The following DENND2B variants were observed in gnomAD, a reference collection of about 807,000 sequenced individuals.
DENND2B encodes DENN domain containing 2B, also known as DENN domain-containing protein 2B.
DENND2B carries 32 observed loss-of-function variants against 116.0 expected under a neutral mutation model. That is an observed-to-expected ratio of 0.28 (90% CI 0.21 to 0.37). DENND2B has a LOEUF of 0.37. DENND2B is among the 10% of genes least tolerant of loss of function. The pLI is 1.00. For missense variants in DENND2B, 1,276 were observed against 1,477.7 expected (o/e 0.86, Z 2.24); for synonymous variants, 588 against 583.9 (o/e 1.01, Z -0.10).
intron 1 of DENND2B, chr11:8,785,084 C>T (rs933705800): frequency 1.3e-5 from 2 of 152,182 alleles, no homozygotes; most frequent in Non-Finnish European, 2.9e-5. Flanking sequence ...TAAGAAGCCA[C>T]AGGAAGGTAC....
At chr11:8,815,348 C>T (rs144665683), upstream of DENND2B, among the ~76,000 whole-genome samples, 661 of 152,246 alleles carry the variant, frequency 4.3e-3, 10 homozygotes, top group African/African-American at 0.015. Flanking sequence ...AAATGAAGGT[C>T]TAAGTAACAC....
intron 4 of DENND2B, among the ~76,000 whole-genome samples, chr11:8,828,113 G>GT (rs995105442): frequency 6.6e-6 from 1 of 152,300 alleles, no homozygotes; most frequent in Admixed American, 6.5e-5. Context: ...GCACCATGAA[G>GT]TTTACTACCT....
rs33975736 is a variant in DENND2B at position 8,698,137 on chromosome 11, CAAAAAAAAAA to C, written c.2941-511_2941-502del. The stretch of plus-strand genomic sequence containing the variant: ...CTGGATGACAGTGAGACCCTGTCTC[CAAAAAAAAAA>C]AAAAAAAAAAAAAAAAAAAGGGGGT... On this transcript the variant is annotated intron_variant, in intron 16 of 19. Coordinates refer to ENST00000313726, the MANE Select transcript of DENND2B (RefSeq NM_213618.2). 7.0e-3 allele frequency among the ~76,000 whole-genome samples: 278 copies of C among 39,822 alleles called. 1 individual carries two copies. The highest frequency in any genetic ancestry group is 0.018 in the African/African-American group (246 of 13,590). The allele number at this position is 39,822 out of a possible 152,430, so 26.1% of individuals were successfully genotyped here. A position where few individuals can be genotyped will look rare whatever the true frequency, so the allele number is the denominator to read the frequency against.
chr11:8,708,166 C>CT, intron 11 of DENND2B: 1 of 1,299,920 alleles, frequency 7.7e-7, no homozygotes, highest in South Asian at 1.5e-5. Flanking sequence ...TTGGCAGAGG[C>CT]TACAGGGTGT....
At chr11:8,790,738 C>T (rs921316052) in intron 1 of DENND2B, among the ~76,000 whole-genome samples, 9 of 152,316 alleles carry the variant, frequency 5.9e-5, no homozygotes, top group Admixed American at 4.6e-4. Flanking sequence ...CACTGCACTC[C>T]AGCCCGTGCA....
At chr11:8,706,253 G>A (rs2133758265) in intron 13 of DENND2B, among the ~76,000 whole-genome samples, 1 of 152,160 alleles carries the variant, frequency 6.6e-6, no homozygotes, top group African/African-American at 2.4e-5. Context: ...GTGAGACCCT[G>A]TCTCAAAAAA....
chr11:8,803,373 A>T (rs1377555037), intron 1 of DENND2B, among the ~76,000 whole-genome samples: 4 of 152,204 alleles, frequency 2.6e-5, no homozygotes, highest in Non-Finnish European at 5.9e-5. Flanking sequence ...CGACCGAGCG[A>T]GACTCTGTCT....
intron 4 of DENND2B, among the ~76,000 whole-genome samples, chr11:8,817,002 T>C (rs1007112073): frequency 9.9e-5 from 15 of 152,110 alleles, no homozygotes; most frequent in African/African-American, 3.4e-4. Context: ...CAATGAACAG[T>C]AGCCTTTTTT....
intron 1 of DENND2B, among the ~76,000 whole-genome samples, chr11:8,773,583 C>T (rs1332737843): frequency 6.6e-6 from 1 of 152,180 alleles, no homozygotes; most frequent in African/African-American, 2.4e-5. Flanking sequence ...GAAAGTGGGG[C>T]ATTTGACTCT....
intron 1 of DENND2B, among the ~76,000 whole-genome samples, chr11:8,774,586 C>T (rs1459128750): frequency 6.6e-6 from 1 of 152,204 alleles, no homozygotes; most frequent in African/African-American, 2.4e-5. Context: ...ATCACCACCA[C>T]CCCAACTCCT....
intron 1 of DENND2B, among the ~76,000 whole-genome samples, chr11:8,891,879 C>T (rs1245898284): frequency 6.6e-6 from 1 of 152,180 alleles, no homozygotes; most frequent in Non-Finnish European, 1.5e-5. Flanking sequence ...CTCAGCTCTG[C>T]ACCAAGCGGA....
intron 3 of DENND2B, among the ~76,000 whole-genome samples, chr11:8,846,673 TGCCAAGG>T (rs1037190747): frequency 6.6e-6 from 1 of 152,198 alleles, no homozygotes; most frequent in African/African-American, 2.4e-5. Context: ...CCTGCCAACC[TGCCAAGG>T]GCCAAGATGA....
intron 1 of DENND2B, among the ~76,000 whole-genome samples, chr11:8,751,083 T>G (rs1218072179): frequency 6.6e-6 from 1 of 152,116 alleles, no homozygotes; most frequent in Non-Finnish European, 1.5e-5. Flanking sequence ...AGAATCTTTA[T>G]GTCTAGCTAA....
chr11:8,724,903 G>A (rs181814799), intron 4 of DENND2B, among the ~76,000 whole-genome samples: 1 of 152,216 alleles, frequency 6.6e-6, no homozygotes, highest in South Asian at 2.1e-4. Flanking sequence ...GGTTTCCTAC[G>A]CTTGGGCTCC....
intron 3 of DENND2B, among the ~76,000 whole-genome samples, chr11:8,842,441 G>C (rs1333223507): frequency 6.6e-6 from 1 of 152,124 alleles, no homozygotes; most frequent in African/African-American, 2.4e-5. Context: ...GAATTATTAG[G>C]TGGCTCAGGG....
intron 1 of DENND2B, among the ~76,000 whole-genome samples, chr11:8,802,902 G>C (rs1234487551): frequency 6.6e-6 from 1 of 152,184 alleles, no homozygotes; most frequent in Non-Finnish European, 1.5e-5. Context: ...CAGCCTCCGA[G>C]TTCTGAGAAC....
intron 1 of DENND2B, among the ~76,000 whole-genome samples, chr11:8,894,061 T>C (rs1156917388): frequency 6.6e-6 from 1 of 152,080 alleles, no homozygotes; most frequent in Non-Finnish European, 1.5e-5. Context: ...TCTAGACCAA[T>C]GGAACAGAAC....
In DENND2B at chr11:8,730,070, C is replaced by T; in HGVS notation, c.1220G>A (p.Ser407Asn). The T allele has an allele frequency of 6.2e-7, 1 of 1,614,174 alleles. No individual in the cohort carries two copies. The highest frequency in any genetic ancestry group is 1.1e-5 in the South Asian group (1 of 91,088). Residue 407 changes from serine to asparagine, a missense_variant, in exon 3 of 20, where the codon AGT (serine) becomes AAT (asparagine). Around this residue, in one of 2 missense-constraint regions of DENND2B, gnomAD observed 856 missense variants for 846.6 expected, o/e 1.01. Coordinates refer to ENST00000313726, the MANE Select transcript of DENND2B (RefSeq NM_213618.2). The surrounding 1 kb of genome is among the most constrained non-coding windows in gnomAD (Gnocchi z 4.1). ...TGTGGGTGAAGGAGGTAGACCATTA[C>T]TGGGCTTACTCTTGGGGTTCTTGTC... ...EADKNPKSKP[S>N]NGLPPSPTPA...
intron 10 of DENND2B, 25 bp from the exon 11 acceptor site, chr11:8,710,939 C>G: frequency 6.2e-7 from 1 of 1,613,596 alleles, no homozygotes; most frequent in Non-Finnish European, 8.5e-7. Flanking sequence ...GGTCTGGCAT[C>G]AGGGAGGTGT....
Sources: allele counts gnomAD v4.1 joint callset (sites outside exome capture counted in the v4.1 genomes callset), GRCh38; gene constraint gnomAD v4.1.1; regional missense constraint gnomAD v4.1.1; non-coding constraint Gnocchi (gnomAD v3.1); transcripts MANE v1.5; gene names NCBI Gene and HGNC (gene_info 2026-07-23, HGNC 2026-07-21).